Variants in SUPT3H observed in about 807,000 individuals in gnomAD.
The protein encoded by SUPT3H is SPT3 homolog, SAGA and STAGA complex component.
Under a neutral mutation model 44.3 loss-of-function variants are expected in SUPT3H, and 44 were observed. That is an observed-to-expected ratio of 0.99 (90% CI 0.78 to 1.28). SUPT3H has a LOEUF of 1.28. SUPT3H is among the 50% of genes most tolerant of loss of function. The probability of loss-of-function intolerance (pLI) is 0.00; values close to 1 mark genes in which losing one functional copy is unlikely to be tolerated. For synonymous variants in SUPT3H, 124 were observed against 125.6 expected (o/e 0.99, Z 0.09); for missense variants, 380 against 387.1 (o/e 0.98, Z 0.15).
intron 3 of SUPT3H, among the ~76,000 whole-genome samples, chr6:45,075,372 T>C (rs1332483873): frequency 6.6e-6 from 1 of 152,106 alleles, no homozygotes; most frequent in Non-Finnish European, 1.5e-5. Flanking sequence ...CCTTGGCTTC[T>C]CTGACTACAT....
chr6:44,976,503 A>C (rs1778363449), intron 6 of SUPT3H, among the ~76,000 whole-genome samples: 1 of 152,026 alleles, frequency 6.6e-6, no homozygotes, highest in Admixed American at 6.6e-5. Flanking sequence ...CTGGGAATAC[A>C]GGTGACCACA....
chr6:45,243,654 T>C (rs534342278), intron 2 of SUPT3H, among the ~76,000 whole-genome samples: 46 of 152,294 alleles, frequency 3.0e-4, no homozygotes, highest in Non-Finnish European at 5.9e-4. Context: ...TGAGATGAGA[T>C]GGACAAACTC....
At chr6:44,942,051 A>G (rs1014689467) in intron 9 of SUPT3H, among the ~76,000 whole-genome samples, 5 of 152,190 alleles carry the variant, frequency 3.3e-5, no homozygotes, top group African/African-American at 7.2e-5. Flanking sequence ...CCAATTTAAT[A>G]GTTTTCAACA....
intron 2 of SUPT3H, among the ~76,000 whole-genome samples, chr6:45,243,516 G>T (rs541000701): frequency 1.3e-5 from 2 of 151,916 alleles, no homozygotes; most frequent in South Asian, 2.1e-4. Context: ...ATGAGAAAAA[G>T]AACACAAATT....
intron 3 of SUPT3H, among the ~76,000 whole-genome samples, chr6:45,031,110 A>T (rs1452461290): frequency 6.6e-6 from 1 of 152,224 alleles, no homozygotes; most frequent in African/African-American, 2.4e-5. Context: ...GTGAGGTAAC[A>T]TCATGCAGCA....
intron 2 of SUPT3H, among the ~76,000 whole-genome samples, chr6:45,244,147 GAT>G (rs1770918478): frequency 6.6e-6 from 1 of 152,150 alleles, no homozygotes; most frequent in Non-Finnish European, 1.5e-5. Context: ...AAAGTGCTGG[GAT>G]TACAGGCATG....
intron 10 of SUPT3H, among the ~76,000 whole-genome samples, chr6:44,846,715 T>A (rs1317210094): frequency 1.3e-5 from 2 of 151,942 alleles, no homozygotes; most frequent in Non-Finnish European, 2.9e-5. Flanking sequence ...CACTGCAACC[T>A]CCGCCTCCTG....
intron 6 of SUPT3H, among the ~76,000 whole-genome samples, chr6:44,977,576 C>G (rs1778512870): frequency 6.6e-6 from 1 of 152,150 alleles, no homozygotes; most frequent in Admixed American, 6.5e-5. Context: ...TATCTGATCT[C>G]ACAAGCTAAA....
At chr6:45,328,140 C>G (rs974593402) in intron 2 of SUPT3H, 2 of 553,568 alleles carry the variant, frequency 3.6e-6, no homozygotes, top group Admixed American at 7.5e-5. Context: ...AAAGGCCTTA[C>G]CACAAGCCTT....
At chr6:44,816,561 T>TAACAAC (rs56377407) in intron 11 of SUPT3H, among the ~76,000 whole-genome samples, 3 of 151,852 alleles carry the variant, frequency 2.0e-5, no homozygotes, top group Admixed American at 1.3e-4. Context: ...TACGGAATTT[T>TAACAAC]AACAACAACA....
At chr6:45,203,321 A>T (rs1047304930) in intron 2 of SUPT3H, among the ~76,000 whole-genome samples, 4 of 152,086 alleles carry the variant, frequency 2.6e-5, no homozygotes, top group African/African-American at 7.2e-5. Context: ...GTCATCAATG[A>T]TACTTTCCTC....
Position 44,967,098 on chromosome 6 carries a change from T to C in SUPT3H, c.505-5270A>G, listed in dbSNP as rs116651491. Among the ~76,000 whole-genome samples, 791 of 152,360 alleles carry C rather than the reference T, an allele frequency of 5.2e-3. 5 individuals are homozygous for C. Among genetic ancestry groups the C allele is most frequent in the African/African-American group, 0.018 (749 of 41,586 alleles). On this transcript the variant is annotated intron_variant, in intron 6 of 10. Transcript: ENST00000371459. ...AGGATTTTAGGAAATTAAATCTTACTAGTATTACAATATAGCTAAGTATTA... is the reference window on the plus strand; with the variant it reads ...AGGATTTTAGGAAATTAAATCTTACCAGTATTACAATATAGCTAAGTATTA...
chr6:44,987,159 T>A (rs1779909609), intron 6 of SUPT3H, among the ~76,000 whole-genome samples: 1 of 152,142 alleles, frequency 6.6e-6, no homozygotes, highest in African/African-American at 2.4e-5. Context: ...TTCCTGTTCT[T>A]ACAAAACACT....
intron 3 of SUPT3H, among the ~76,000 whole-genome samples, chr6:45,053,689 G>A (rs1173865493): frequency 7.0e-6 from 1 of 142,690 alleles, no homozygotes; most frequent in African/African-American, 2.6e-5. Flanking sequence ...ACCAGGTCAG[G>A]AGATCAAGAC....
intron 2 of SUPT3H, among the ~76,000 whole-genome samples, chr6:45,134,678 AG>A (rs1803999554): frequency 6.6e-6 from 1 of 152,238 alleles, no homozygotes; most frequent in South Asian, 2.1e-4. Flanking sequence ...ACAGGAAAGA[AG>A]AAAGCAGTAA....
At chr6:45,176,317 C>CA (rs1270925581) in intron 2 of SUPT3H, among the ~76,000 whole-genome samples, 1 of 151,664 alleles carries the variant, frequency 6.6e-6, no homozygotes, top group African/African-American at 2.4e-5. Flanking sequence ...GGGTGACGGA[C>CA]GCACCTGGAA....
chr6:45,082,288 T>A (rs1389439531), intron 3 of SUPT3H, among the ~76,000 whole-genome samples: 2 of 152,134 alleles, frequency 1.3e-5, no homozygotes, highest in Non-Finnish European at 2.9e-5. Flanking sequence ...TAACTCATTC[T>A]ATGAAACTAG....
intron 3 of SUPT3H, among the ~76,000 whole-genome samples, chr6:45,063,721 G>A (rs1221418193): frequency 1.4e-3 from 128 of 91,142 alleles, no homozygotes; most frequent in Non-Finnish European, 1.8e-3. Context: ...AATGGAAGAT[G>A]AAATGAATGA....
chr6:44,901,633 G>T (rs1293601), intron 10 of SUPT3H, among the ~76,000 whole-genome samples: 141,744 of 145,504 alleles, frequency 0.97, 69,094 homozygotes, highest in South Asian at 0.99. Context: ...CCCCAATCTA[G>T]CAAGGCAGGC....
Sources: gnomAD v4.1 joint callset for allele counts (sites outside exome capture counted in the v4.1 genomes callset) on GRCh38, gnomAD v4.1.1 for gene constraint, MANE v1.5 for transcripts, NCBI Gene and HGNC (gene_info 2026-07-23, HGNC 2026-07-21) for gene names.